Variants in ALKBH2 observed in about 807,000 individuals in gnomAD.
ALKBH2 encodes alkB homolog 2, alpha-ketoglutarate dependent dioxygenase, also known as DNA oxidative demethylase ALKBH2.
In ALKBH2, 19 loss-of-function variants were observed where a neutral mutation model predicts 19.7. The ratio of observed to expected loss-of-function variants is 0.97; its 90% CI spans 0.67 to 1.42. ALKBH2 has a LOEUF of 1.42. Ranked by LOEUF, ALKBH2 falls within the 40% of genes most tolerant of loss-of-function variation. The pLI, the probability that ALKBH2 is intolerant of heterozygous loss-of-function variation, is 0.00. For synonymous variants in ALKBH2, 135 were observed against 131.2 expected (o/e 1.03, Z -0.20); for missense variants, 310 against 328.5 (o/e 0.94, Z 0.43).
rs1566114956 is a variant in ALKBH2, at chr12:109,089,991, C to T, written c.479+18G>A. ...GACAGAAGACTTGTAACATTGAGTCCACTAAACAGGGTGTCACCTGTTGAT... is the reference window on the plus strand; with the variant it reads ...GACAGAAGACTTGTAACATTGAGTCTACTAAACAGGGTGTCACCTGTTGAT... On this transcript the variant is annotated intron_variant, in intron 3 of 3. Transcript: ENST00000429722. 3 of 1,613,408 alleles carry T rather than the reference C, an allele frequency of 1.9e-6. No homozygotes were observed. Among genetic ancestry groups the T allele is most frequent in the Middle Eastern group, 1.6e-4 (1 of 6,062 alleles).
chr12:109,089,889 G>C lies in ALKBH2; in HGVS notation c.479+120C>G, dbSNP rs529668067. ...GAGTGCTGGCGCTATTCCACTCTTA[G>C]AGCCCCAGTGTACTAAGAAATGATT... On this transcript the variant is annotated intron_variant, in intron 3 of 3. Transcript: ENST00000429722. 44 of 1,066,314 alleles carry C rather than the reference G, an allele frequency of 4.1e-5. No individual in the cohort carries two copies. The South Asian group carries it at 6.2e-4, about 15-fold the overall frequency. The allele number at this position is 1,066,314 out of a possible 1,614,324, so 66.1% of individuals were successfully genotyped here.
rs141799372 is a variant in ALKBH2, at chr12:109,090,021, A to C, written c.467T>G (p.Val156Gly). 6.2e-7 allele frequency: 1 copy of C among 1,614,182 alleles called. No homozygotes were observed. The highest frequency in any genetic ancestry group is 8.5e-7 in the Non-Finnish European group (1 of 1,180,040). The part of the protein sequence containing the change: ...SGVTGQTFNF[V>G]LINRYKDGCD... ...AACAGGGTGTCACCTGTTGATGAGC[A>C]CAAAGTTGAAGGTCTGTCCAGTCAC... Residue 156 changes from valine to glycine, a missense_variant, in exon 3 of 4, where the codon GTG becomes GGG. By Grantham distance (109) the Val-to-Gly change is moderately radical. Transcript: ENST00000429722.
chr12:109,089,128 C>T (rs996644111), intron 3 of ALKBH2, among the ~76,000 whole-genome samples: 2 of 152,232 alleles, frequency 1.3e-5, no homozygotes, highest in African/African-American at 4.8e-5. Context: ...AAAGGCCATA[C>T]TCTGCATAGC....
Position 109,092,681 on chromosome 12 carries a change from T to C in ALKBH2, c.106A>G (p.Ser36Gly), listed in dbSNP as rs749383849. Residue 36 changes from serine (S) to glycine (G), a missense_variant, in exon 2 of 4, where the codon AGC becomes GGC. Coordinates refer to ENST00000429722, the MANE Select transcript of ALKBH2 (RefSeq NM_001145374.2). ...EPAVLGGDKE[S>G]TRKRPRREAP... is the part of the protein sequence containing the mutation. ...TCTCTCCTGGGCCTCTTCCTTGTGC[T>C]TTCTTTGTCTCCTCCCAACACAGCT... 63 of 1,613,726 alleles carry C rather than the reference T, an allele frequency of 3.9e-5. No individual in the cohort carries two copies. In the East Asian group the frequency reaches 1.3e-3, roughly 34 times the overall value.
chr12:109,088,294 T>A lies in ALKBH2; in HGVS notation c.698A>T (p.His233Leu). ...LLMMNHPTNTHWYHSLPVRKK... is the reference protein window; with the variant it reads ...LLMMNHPTNTLWYHSLPVRKK... Reference sequence around the variant, plus strand: ...TCTCACGGGAAGACTGTGGTACCAGTGCGTGTTGGTCGGGTGGTTCATCAT... The same window carrying A: ...TCTCACGGGAAGACTGTGGTACCAGAGCGTGTTGGTCGGGTGGTTCATCAT... The change falls in exon 4 of 4, where the codon CAC becomes CTC. Residue 233 changes from histidine to leucine, a missense_variant. Coordinates refer to ENST00000429722, the MANE Select transcript of ALKBH2 (RefSeq NM_001145374.2). The surrounding 1 kb of genome is among the most constrained non-coding windows in gnomAD (Gnocchi z 4.2). 6.2e-7 allele frequency: 1 copy of A among 1,614,150 alleles called. No homozygotes were observed. Among genetic ancestry groups the A allele is most frequent in the Non-Finnish European group, 8.5e-7 (1 of 1,180,032 alleles).
At position 109,092,473 on chromosome 12, in the gene ALKBH2, G is replaced by GCACACACACA. The variant is rs61358885; in HGVS notation, c.280+24_280+33dup. 18 of 1,363,300 alleles carry GCACACACACA rather than the reference G, an allele frequency of 1.3e-5. 1 individual carries two copies. The highest frequency in any genetic ancestry group is 2.0e-4 in the Middle Eastern group (1 of 4,954). The allele number at this position is 1,363,300 out of a possible 1,614,324, so 84.5% of individuals were successfully genotyped here. ...TAATTGCACCAAACAAGCCCTCAATGCACACACACACACACACACACCCCT... is the reference window on the plus strand; with the variant it reads ...TAATTGCACCAAACAAGCCCTCAATGCACACACACACACACACACACACACACACACCCCT... On this transcript the variant is annotated intron_variant, in intron 2 of 3. Transcript: ENST00000429722.
At chr12:109,091,433 G>T (rs1047098393) in intron 2 of ALKBH2, among the ~76,000 whole-genome samples, 6 of 152,140 alleles carry the variant, frequency 3.9e-5, no homozygotes, top group African/African-American at 1.4e-4. Flanking sequence ...ATGTTGCCCA[G>T]GCTGGACTTG....
In ALKBH2 at chr12:109,089,998, CAG is replaced by C; in HGVS notation, c.479+9_479+10del. ...GACTTGTAACATTGAGTCCACTAAA[CAG>C]GGTGTCACCTGTTGATGAGCACAAA... On this transcript the variant is annotated intron_variant, in intron 3 of 3. Transcript: ENST00000429722. 1 of 1,614,024 alleles carries C rather than the reference CAG, an allele frequency of 6.2e-7. No homozygotes were observed. Among genetic ancestry groups the C allele is most frequent in the Non-Finnish European group, 8.5e-7 (1 of 1,179,918 alleles).
intron 2 of ALKBH2, among the ~76,000 whole-genome samples, chr12:109,092,020 C>T (rs2135868481): frequency 2.0e-5 from 3 of 152,324 alleles, no homozygotes; most frequent in Middle Eastern, 6.8e-3. Flanking sequence ...AACAGCAAGT[C>T]CACCAGGTGA....
intron 3 of ALKBH2, 154 bp downstream of exon 3, chr12:109,089,855 A>G: frequency 2.7e-6 from 2 of 740,302 alleles, no homozygotes; most frequent in Non-Finnish European, 2.2e-6. Context: ...TCCAGGATCC[A>G]GGAAGACCGA....
intron 2 of ALKBH2, 96 bp downstream of exon 2, chr12:109,092,411 G>A (rs531613722): frequency 1.9e-4 from 272 of 1,419,314 alleles, no homozygotes; most frequent in Non-Finnish European, 2.5e-4. Context: ...AGTAAATAAT[G>A]GATCCTGAGT....
At chr12:109,089,968 C>G (rs2042035707) in intron 3 of ALKBH2, 41 bp downstream of exon 3, 1 of 1,607,152 alleles carries the variant, frequency 6.2e-7, no homozygotes, top group African/African-American at 1.3e-5. Context: ...TTGGAGGAGA[C>G]AGAAGACTTG....
In ALKBH2 at chr12:109,093,284, A is replaced by G. The variant is rs1448394866; in HGVS notation, c.-189T>C. Reference sequence around the variant, plus strand: ...CACCAGTGTTAAAATAGATCAGTCTAGTGATGCTCAAGTGGATACGATTCA... The same window carrying G: ...CACCAGTGTTAAAATAGATCAGTCTGGTGATGCTCAAGTGGATACGATTCA... On this transcript the variant is annotated 5_prime_UTR_variant, in exon 1 of 4. Transcript: ENST00000429722. The G allele has an allele frequency of 6.4e-6, 1 of 155,180 alleles. No individual in the cohort carries two copies. The allele number at this position is 155,180 out of a possible 1,614,324, so 9.6% of individuals were successfully genotyped here.
At chr12:109,090,880 C>T (rs1015532681) in intron 2 of ALKBH2, among the ~76,000 whole-genome samples, 1 of 152,156 alleles carries the variant, frequency 6.6e-6, no homozygotes, top group Non-Finnish European at 1.5e-5. Context: ...GACTCTTGTT[C>T]TACAAGGAGA....
intron 2 of ALKBH2, among the ~76,000 whole-genome samples, chr12:109,091,667 AGCTGGGACTACAGGCAT>A (rs1215126507): frequency 6.6e-6 from 1 of 152,056 alleles, no homozygotes; most frequent in East Asian, 1.9e-4. Flanking sequence ...CCTCTCAAGT[AGCTGGGACTACAGGCAT>A]GCACCACTAC....
At chr12:109,091,867 T>G (rs2042065894) in intron 2 of ALKBH2, among the ~76,000 whole-genome samples, 1 of 152,180 alleles carries the variant, frequency 6.6e-6, no homozygotes, top group South Asian at 2.1e-4. Flanking sequence ...GGCTTTTCTA[T>G]GCCTCTCTGC....
intron 2 of ALKBH2, chr12:109,092,212 T>C: frequency 3.3e-6 from 1 of 299,930 alleles, no homozygotes; most frequent in Non-Finnish European, 6.0e-6. Flanking sequence ...CCAGCACGTT[T>C]TTTTACTTTG....
At position 109,088,559 on chromosome 12, in the gene ALKBH2, A is replaced by C; in HGVS notation, c.480-47T>G. The C allele has an allele frequency of 6.6e-7, 1 of 1,521,284 alleles. No individual in the cohort carries two copies. Among genetic ancestry groups the C allele is most frequent in the Non-Finnish European group, 8.9e-7 (1 of 1,124,812 alleles). The allele number at this position is 1,521,284 out of a possible 1,614,324, so 94.2% of individuals were successfully genotyped here. On this transcript the variant is annotated intron_variant, in intron 3 of 3. Coordinates refer to ENST00000429722, the MANE Select transcript of ALKBH2 (RefSeq NM_001145374.2). The surrounding 1 kb of genome is among the most constrained non-coding windows in gnomAD (Gnocchi z 4.2). ...AGTGCATAAAAACAACCCTCTCCTG[A>C]AACTCACCAGCACCGCCAGCCCTCG... is the stretch of plus-strand genomic sequence containing the variant.
intron 2 of ALKBH2, 22 bp from the exon 3 acceptor site, chr12:109,090,229 G>A (rs770712018): frequency 3.7e-6 from 6 of 1,608,074 alleles, no homozygotes; most frequent in Non-Finnish European, 5.1e-6. Context: ...AAACATGGCA[G>A]TTCCTTTCTA....
Sources: gnomAD v4.1 joint callset for allele counts (sites outside exome capture counted in the v4.1 genomes callset) on GRCh38, gnomAD v4.1.1 for gene constraint, Gnocchi (gnomAD v3.1) non-coding constraint, MANE v1.5 for transcripts, NCBI Gene and HGNC (gene_info 2026-07-23, HGNC 2026-07-21) for gene names.